The following CABIN1 variants were observed in gnomAD, a reference collection of about 807,000 sequenced individuals.
The protein encoded by CABIN1 is calcineurin binding protein 1.
A neutral mutation model predicts 227.7 loss-of-function variants in CABIN1; 133 were observed. The ratio of observed to expected loss-of-function variants is 0.58; its 90% CI spans 0.51 to 0.67. CABIN1 has a LOEUF of 0.67. CABIN1 is among the 30% of genes least tolerant of loss of function. The pLI is 0.00. For missense variants in CABIN1, 2,408 were observed against 2,852.5 expected, an observed-to-expected ratio of 0.84 and a Z score of 3.55; for synonymous variants, 1,086 against 1,155.1, an observed-to-expected ratio of 0.94 and a Z score of 1.21.
At chr22:24,156,207 C>T (rs1021830189) in intron 29 of CABIN1, 3 of 389,060 alleles carry the variant, frequency 7.7e-6, no homozygotes, top group African/African-American at 2.1e-5. Flanking sequence ...CAATCGTCCC[C>T]TGGTGGGCTC....
chr22:24,141,753 G>A (rs974108724), intron 29 of CABIN1, among the ~76,000 whole-genome samples: 1 of 152,142 alleles, frequency 6.6e-6, no homozygotes, highest in African/African-American at 2.4e-5. Context: ...GTCTACCCAG[G>A]GTCTGCCATG....
intron 16 of CABIN1, among the ~76,000 whole-genome samples, chr22:24,067,715 G>A (rs2039790776): frequency 6.6e-6 from 1 of 152,094 alleles, no homozygotes; most frequent in Non-Finnish European, 1.5e-5. Context: ...GCAGCTGCTG[G>A]GTGCTGGGCA....
At chr22:24,174,843 G>T (rs1454742971) in intron 34 of CABIN1, among the ~76,000 whole-genome samples, 1 of 152,006 alleles carries the variant, frequency 6.6e-6, no homozygotes, top group African/African-American at 2.4e-5. Context: ...AGGAAGCCAT[G>T]GTGTCTTTTA....
Position 24,064,131 on chromosome 22 carries a change from G to A in CABIN1, c.1981G>A (p.Asp661Asn), listed in dbSNP as rs764443669. ...GGTGGAGGCAGGGGCTGAACGAAGA[G>A]ACATTGTCATCCGGCTGCCCAACCT... is the stretch of plus-strand genomic sequence containing the variant. ...IQVEAGAERR[D>N]IVIRLPNLHN... is the part of the protein sequence containing the mutation. Residue 661 changes from aspartate (D) to asparagine (N), a missense_variant, in exon 15 of 37, where the codon GAC becomes AAC. Asp to Asn is a conservative substitution (Grantham distance 23). Coordinates refer to ENST00000263119, the MANE Select transcript of CABIN1 (RefSeq NM_012295.4). 4 of 1,614,224 alleles carry A rather than the reference G, an allele frequency of 2.5e-6. No homozygotes were observed. In the South Asian group the frequency reaches 3.3e-5, roughly 13 times the overall value.
chr22:24,161,518 G>A (rs773390629), intron 29 of CABIN1, among the ~76,000 whole-genome samples: 4 of 151,646 alleles, frequency 2.6e-5, no homozygotes, highest in Admixed American at 1.3e-4. Context: ...CCCTCCTCGC[G>A]GCGACCCTGC....
chr22:24,066,667 C>G (rs889273955), intron 15 of CABIN1, among the ~76,000 whole-genome samples: 1 of 152,156 alleles, frequency 6.6e-6, no homozygotes, highest in Non-Finnish European at 1.5e-5. Flanking sequence ...AAGACTGGTT[C>G]GCCGAACTGT....
At chr22:24,034,110 A>G (rs1301521755) in intron 1 of CABIN1, among the ~76,000 whole-genome samples, 1 of 152,232 alleles carries the variant, frequency 6.6e-6, no homozygotes, top group Non-Finnish European at 1.5e-5. Context: ...TCGCATGCAC[A>G]GTTCACAATA....
intron 34 of CABIN1, chr22:24,172,936 C>T (rs146012494): frequency 4.8e-4 from 73 of 152,360 alleles, no homozygotes; most frequent in African/African-American, 1.7e-3. Flanking sequence ...TCTGAAGGCC[C>T]TATAATAGGA....
At chr22:24,013,890 T>C (rs968466273) in intron 1 of CABIN1, among the ~76,000 whole-genome samples, 1 of 152,120 alleles carries the variant, frequency 6.6e-6, no homozygotes, top group Non-Finnish European at 1.5e-5. Context: ...ATGATTGGGG[T>C]GAGATTATGC....
In CABIN1 at chr22:24,052,907, G is replaced by A. The variant is rs542446032; in HGVS notation, c.806+1933G>A. Reference sequence around the variant, plus strand: ...GCAAGGCACGAGTAAGGGAAATGGTGTATTTAAGGCATTTGACACAACCCA... The same window carrying A: ...GCAAGGCACGAGTAAGGGAAATGGTATATTTAAGGCATTTGACACAACCCA... On this transcript the variant is annotated intron_variant, in intron 8 of 36. Coordinates refer to ENST00000263119, the MANE Select transcript of CABIN1 (RefSeq NM_012295.4). Among the ~76,000 whole-genome samples the A allele has an allele frequency of 2.6e-5, 4 of 152,140 alleles. 1 individual carries two copies. In the South Asian group the frequency reaches 8.3e-4, roughly 32 times the overall value.
intron 29 of CABIN1, chr22:24,155,910 AAGTC>A (rs2045758951): frequency 2.0e-6 from 1 of 493,052 alleles, no homozygotes; most frequent in African/African-American, 2.1e-5. Context: ...TGGCCGGCAA[AAGTC>A]AGTTGCGCTC....
chr22:24,026,681 G>A (rs2036114749), intron 1 of CABIN1, among the ~76,000 whole-genome samples: 1 of 152,154 alleles, frequency 6.6e-6, no homozygotes, highest in African/African-American at 2.4e-5. Flanking sequence ...ACCATAGTCA[G>A]TAATAAATTG....
At position 24,167,396 on chromosome 22, in the gene CABIN1, C is replaced by G. The variant is rs2046515686; in HGVS notation, c.5682+83C>G. On this transcript the variant is annotated intron_variant, in intron 32 of 36. Transcript: ENST00000263119. Reference sequence around the variant, plus strand: ...CCTTTCTATCCTCAAGGAGGGTCTCCCAGGCCTGCCCTTGGGGCGGGTTTT... The same window carrying G: ...CCTTTCTATCCTCAAGGAGGGTCTCGCAGGCCTGCCCTTGGGGCGGGTTTT... 2.2e-6 allele frequency: 3 copies of G among 1,363,092 alleles called. No individual in the cohort carries two copies. The Admixed American group carries it at 6.0e-5, about 27-fold the overall frequency. The allele number at this position is 1,363,092 out of a possible 1,614,324, so 84.4% of individuals were successfully genotyped here.
At chr22:24,120,063 C>T (rs934592124) in intron 28 of CABIN1, among the ~76,000 whole-genome samples, 2 of 152,196 alleles carry the variant, frequency 1.3e-5, no homozygotes, top group Non-Finnish European at 2.9e-5. Flanking sequence ...ATTCACCCAT[C>T]GTCTCAGTGA....
At position 24,178,374 on chromosome 22, in the gene CABIN1, C is replaced by T. The variant is rs1442695107; in HGVS notation, c.*178C>T. On this transcript the variant is annotated 3_prime_UTR_variant, in exon 37 of 37. Coordinates refer to ENST00000263119, the MANE Select transcript of CABIN1 (RefSeq NM_012295.4). ...CCCTGTACCCAGGTCAGGCTGTCCA[C>T]ACCACATGGGAGCCCAGAGGAGGAG... 1.3e-6 allele frequency: 1 copy of T among 746,764 alleles called. No individual in the cohort carries two copies. The highest frequency in any genetic ancestry group is 2.1e-6 in the Non-Finnish European group (1 of 465,418). 46.3% of individuals were successfully genotyped at this position (746,764 alleles called of 1,614,324 possible).
chr22:24,108,544 G>A (rs575987017), intron 26 of CABIN1, among the ~76,000 whole-genome samples: 4 of 152,292 alleles, frequency 2.6e-5, no homozygotes, highest in Admixed American at 2.0e-4. Flanking sequence ...TCTTATACAC[G>A]TCCCAAGTCC....
At chr22:24,017,410 A>G (rs1374085576) in intron 1 of CABIN1, among the ~76,000 whole-genome samples, 2 of 152,192 alleles carry the variant, frequency 1.3e-5, no homozygotes, top group Non-Finnish European at 2.9e-5. Context: ...TTATGCAGCC[A>G]TCACCACCAT....
intron 18 of CABIN1, among the ~76,000 whole-genome samples, chr22:24,074,302 A>G (rs1287742126): frequency 6.6e-6 from 1 of 152,194 alleles, no homozygotes; most frequent in African/African-American, 2.4e-5. Context: ...TAAACTTTGA[A>G]AAGTACATCA....
chr22:24,088,413 G>A (rs1231499076), intron 23 of CABIN1, among the ~76,000 whole-genome samples: 1 of 152,100 alleles, frequency 6.6e-6, no homozygotes, highest in Non-Finnish European at 1.5e-5. Flanking sequence ...TATGAGACCA[G>A]CCTGATCAAC....
Sources: gnomAD v4.1 joint callset for allele counts (sites outside exome capture counted in the v4.1 genomes callset) on GRCh38, gnomAD v4.1.1 for gene constraint, MANE v1.5 for transcripts, NCBI Gene and HGNC (gene_info 2026-07-23, HGNC 2026-07-21) for gene names.